UNC5A: variants seen among roughly 807,000 people sequenced by gnomAD.
The protein encoded by UNC5A is netrin receptor UNC5A.
In UNC5A, 20 loss-of-function variants were observed where a neutral mutation model predicts 87.4. The observed-to-expected ratio is 0.23, with a 90% CI of 0.16 to 0.33. The LOEUF is 0.33. UNC5A is among the 10% of genes least tolerant of loss of function. The probability of loss-of-function intolerance (pLI) is 1.00; values close to 1 mark genes in which losing one functional copy is unlikely to be tolerated. For missense variants in UNC5A, 844 were observed against 1,133.4 expected, an observed-to-expected ratio of 0.74 and a Z score of 3.67; for synonymous variants, 438 against 482.3, an observed-to-expected ratio of 0.91 and a Z score of 1.20.
At chr5:176,832,096 C>T (rs890286607) in intron 1 of UNC5A, among the ~76,000 whole-genome samples, 3 of 152,000 alleles carry the variant, frequency 2.0e-5, no homozygotes, top group Non-Finnish European at 4.4e-5. Context: ...GGGGTTTCAC[C>T]ATGTCGGCCA....
At chr5:176,830,621 C>CAT (rs1756981951) in intron 1 of UNC5A, among the ~76,000 whole-genome samples, 1 of 106,118 alleles carries the variant, frequency 9.4e-6, no homozygotes. Context: ...TGTGCGCTGG[C>CAT]GTGTGTGTGT....
At chr5:176,831,399 C>A (rs1315558209) in intron 1 of UNC5A, among the ~76,000 whole-genome samples, 1 of 152,120 alleles carries the variant, frequency 6.6e-6, no homozygotes, top group Non-Finnish European at 1.5e-5. Flanking sequence ...CCCTTTTGTT[C>A]ATCACATTTT....
At chr5:176,845,929 G>A (rs997863006) in intron 1 of UNC5A, among the ~76,000 whole-genome samples, 30 of 152,198 alleles carry the variant, frequency 2.0e-4, no homozygotes, top group African/African-American at 7.2e-4. Flanking sequence ...AGCACCGGGA[G>A]AGCCAACAAA....
At chr5:176,819,737 A>G (rs1044895390) in intron 1 of UNC5A, among the ~76,000 whole-genome samples, 5 of 152,234 alleles carry the variant, frequency 3.3e-5, no homozygotes, top group Admixed American at 2.0e-4. Context: ...AGGATTATGC[A>G]GATTAGGTTG....
chr5:176,832,549 G>A lies in UNC5A; in HGVS notation c.70+21729G>A, dbSNP rs201663594. Among the ~76,000 whole-genome samples the A allele has an allele frequency of 2.0e-5, 3 of 152,200 alleles. No individual in the cohort carries two copies. The East Asian group carries it at 5.8e-4, about 29-fold the overall frequency. On this transcript the variant is annotated intron_variant, in intron 1 of 14. Coordinates refer to ENST00000329542, the MANE Select transcript of UNC5A (RefSeq NM_133369.3). Reference sequence around the variant, plus strand: ...CTCTAGGATGAGAGGATCAGAGAAGGCCCTGTGTGGTGTGTGGTGAGAACA... The same window carrying A: ...CTCTAGGATGAGAGGATCAGAGAAGACCCTGTGTGGTGTGTGGTGAGAACA...
intron 1 of UNC5A, among the ~76,000 whole-genome samples, chr5:176,814,512 C>G (rs1186556318): frequency 6.6e-6 from 1 of 152,224 alleles, no homozygotes; most frequent in East Asian, 1.9e-4. Flanking sequence ...GGACACACCC[C>G]TTTGCTGCTG....
rs1421329736 is a variant in UNC5A at position 176,828,856 on chromosome 5, C to T, written c.70+18036C>T. 3.4e-5 allele frequency among the ~76,000 whole-genome samples: 5 copies of T among 148,168 alleles called. No homozygotes were observed. The East Asian group carries it at 6.4e-4, about 19-fold the overall frequency. On this transcript the variant is annotated intron_variant, in intron 1 of 14. Coordinates refer to ENST00000329542, the MANE Select transcript of UNC5A (RefSeq NM_133369.3). ...GTATGAAAGATGGATGGGGGCTGGG[C>T]GCGGTGGCTCATGCCTGTAATTCCA...
At chr5:176,872,893 CA>C (rs1758160600) in intron 6 of UNC5A, among the ~76,000 whole-genome samples, 2 of 128,762 alleles carry the variant, frequency 1.6e-5, no homozygotes, top group Non-Finnish European at 3.3e-5. Context: ...ACACCTGCCC[CA>C]ACACCACAGC....
rs902505618 is a variant in UNC5A at position 176,865,686 on chromosome 5, A to G, written c.293-2444A>G. On this transcript the variant is annotated intron_variant, in intron 2 of 14. Coordinates refer to ENST00000329542, the MANE Select transcript of UNC5A (RefSeq NM_133369.3). The surrounding 1 kb of genome is among the most constrained non-coding windows in gnomAD (Gnocchi z 5.3). ...AGTGGCGCCACGCCGCCAAAGACCAAAGACCCCAAACCAGAAACGTTCTGT... is the reference window on the plus strand; with the variant it reads ...AGTGGCGCCACGCCGCCAAAGACCAGAGACCCCAAACCAGAAACGTTCTGT... 5 of 456,520 alleles carry G rather than the reference A, an allele frequency of 1.1e-5. No individual in the cohort carries two copies. The allele number at this position is 456,520 out of a possible 1,614,324, so 28.3% of individuals were successfully genotyped here.
chr5:176,847,861 C>A (rs1183419074), intron 1 of UNC5A, among the ~76,000 whole-genome samples: 1 of 152,024 alleles, frequency 6.6e-6, no homozygotes, highest in Non-Finnish European at 1.5e-5. Context: ...TACCCTCCCC[C>A]GCCAAAACCA....
rs770896407 is a variant in UNC5A at position 176,865,023 on chromosome 5, AAATGGGGGT to A, written c.292+2179_292+2187del. On this transcript the variant is annotated intron_variant, in intron 2 of 14. Coordinates refer to ENST00000329542, the MANE Select transcript of UNC5A (RefSeq NM_133369.3). This position sits in a 1 kb window ranked among gnomAD's most constrained non-coding sequence, Gnocchi z 5.3. ...CCTGGGCTCAGTTTCTTCATCTGTA[AAATGGGGGT>A]GAGGAGACCTCCCCTCCATCCTGCC... 1.4e-5 allele frequency: 5 copies of A among 354,100 alleles called. No homozygotes were observed. Among genetic ancestry groups the A allele is most frequent in the Non-Finnish European group, 2.8e-5 (5 of 178,964 alleles). The allele number at this position is 354,100 out of a possible 1,614,324, so 21.9% of individuals were successfully genotyped here.
chr5:176,856,069 G>A (rs569305530), intron 1 of UNC5A, among the ~76,000 whole-genome samples: 2 of 152,352 alleles, frequency 1.3e-5, no homozygotes, highest in South Asian at 2.1e-4. Context: ...GAGTGAGGCC[G>A]AGTGACGCCC....
chr5:176,829,796 C>G (rs748464303), intron 1 of UNC5A, among the ~76,000 whole-genome samples: 1 of 151,594 alleles, frequency 6.6e-6, no homozygotes, highest in Admixed American at 6.6e-5. Flanking sequence ...CCAGGCTTCT[C>G]TACACCTGGG....
chr5:176,874,406 C>G lies in UNC5A; in HGVS notation c.1218C>G (p.Gly406=). Residue 406 remains glycine (G), a synonymous_variant, in exon 8 of 15, where the codon GGC becomes GGG. Transcript: ENST00000329542. The surrounding 1 kb of genome is among the most constrained non-coding windows in gnomAD (Gnocchi z 7.6). ...ACCTGCTCAGCCCCCTGGGTGGCGG[C>G]CGCCACACACTGCACCACAGCTCTC... ...NGHLLSPLGG[G]RHTLHHSSPT... The G allele has an allele frequency of 6.2e-7, 1 of 1,613,640 alleles. No homozygotes were observed. Among genetic ancestry groups the G allele is most frequent in the South Asian group, 1.1e-5 (1 of 91,058 alleles).
At chr5:176,833,713 C>CTT (rs1401997142) in intron 1 of UNC5A, among the ~76,000 whole-genome samples, 120 of 142,088 alleles carry the variant, frequency 8.4e-4, no homozygotes, top group East Asian at 7.0e-3. Context: ...TTTTTTCTTT[C>CTT]TTTTTTTTTT....
At chr5:176,814,152 A>G (rs1756533795) in intron 1 of UNC5A, among the ~76,000 whole-genome samples, 1 of 151,716 alleles carries the variant, frequency 6.6e-6, no homozygotes, top group African/African-American at 2.4e-5. Context: ...ACCACCACCC[A>G]TCCCCCTCGG....
chr5:176,861,552 G>A (rs930766663), intron 1 of UNC5A, among the ~76,000 whole-genome samples: 25 of 152,338 alleles, frequency 1.6e-4, no homozygotes, highest in African/African-American at 5.8e-4. Flanking sequence ...TCGGTGGGTA[G>A]GGTGGGCCCA....
chr5:176,874,869 T>G lies in UNC5A; in HGVS notation c.1378+303T>G, dbSNP rs1019885510. ...GGGCAAGCCCCGGCCCCAAGGAGCT[T>G]GCAACTGAGCAGGGAGACAACCAAG... On this transcript the variant is annotated intron_variant, in intron 8 of 14. Coordinates refer to ENST00000329542, the MANE Select transcript of UNC5A (RefSeq NM_133369.3). The surrounding 1 kb of genome is among the most constrained non-coding windows in gnomAD (Gnocchi z 7.6). Among the ~76,000 whole-genome samples the G allele has an allele frequency of 1.3e-5, 2 of 152,166 alleles. No individual in the cohort carries two copies. Among genetic ancestry groups the G allele is most frequent in the Non-Finnish European group, 2.9e-5 (2 of 68,024 alleles).
At position 176,875,967 on chromosome 5, in the gene UNC5A, T is replaced by C. The variant is rs1160625231; in HGVS notation, c.1379-1225T>C. On this transcript the variant is annotated intron_variant, in intron 8 of 14. Coordinates refer to ENST00000329542, the MANE Select transcript of UNC5A (RefSeq NM_133369.3). This position sits in a 1 kb window ranked among gnomAD's most constrained non-coding sequence, Gnocchi z 5.2. The stretch of plus-strand genomic sequence containing the variant: ...AGGTGAGACGGCATCTGTCAGCTCT[T>C]ACAGAGACGCAGGCGAACAGTGGGG... 6.6e-6 allele frequency among the ~76,000 whole-genome samples: 1 copy of C among 152,232 alleles called. No homozygotes were observed. Among genetic ancestry groups the C allele is most frequent in the Non-Finnish European group, 1.5e-5 (1 of 68,038 alleles).
Sources: allele counts gnomAD v4.1 joint callset (sites outside exome capture counted in the v4.1 genomes callset), GRCh38; gene constraint gnomAD v4.1.1; non-coding constraint Gnocchi (gnomAD v3.1); transcripts MANE v1.5; gene names NCBI Gene and HGNC (gene_info 2026-07-23, HGNC 2026-07-21).